GABRG3: variants seen among roughly 807,000 people sequenced by gnomAD.
GABRG3 encodes gamma-aminobutyric acid type A receptor subunit gamma3.
GABRG3 carries 25 observed loss-of-function variants against 48.8 expected under a neutral mutation model. The ratio of observed to expected loss-of-function variants is 0.51; its 90% confidence interval spans 0.37 to 0.72. The LOEUF (loss-of-function observed/expected upper bound fraction) is 0.72, where lower values mean the gene tolerates loss of function less well. Ranked by LOEUF, GABRG3 falls within the 30% of genes least tolerant of loss-of-function variation. The pLI is 0.00. For synonymous variants in GABRG3, 227 were observed against 217.6 expected (o/e 1.04, Z -0.38); for missense variants, 394 against 577.9 (o/e 0.68, Z 3.26).
At chr15:27,024,024 G>C (rs1357148477) in intron 2 of GABRG3, among the ~76,000 whole-genome samples, 3 of 152,058 alleles carry the variant, frequency 2.0e-5, no homozygotes, top group Non-Finnish European at 4.4e-5. Context: ...ATCCGAATGG[G>C]TGTGAGTGTT....
At chr15:27,018,096 C>T (rs187172562) in intron 2 of GABRG3, among the ~76,000 whole-genome samples, 27 of 152,238 alleles carry the variant, frequency 1.8e-4, no homozygotes, top group Middle Eastern at 3.4e-3. Context: ...CCTGTTATAA[C>T]GAACAGAATT....
In GABRG3 at chr15:27,435,235, A is replaced by G. The variant is rs141761030; in HGVS notation, c.575-45415A>G. 3.0e-3 allele frequency among the ~76,000 whole-genome samples: 454 copies of G among 150,334 alleles called. 13 individuals carry two copies. In the East Asian group the frequency reaches 0.073, roughly 24 times the overall value. On this transcript the variant is annotated intron_variant, in intron 5 of 9. Transcript: ENST00000615808. ...TATATAAATTATATTATACTATTTT[A>G]TATACTCTTCCCCCTTTTATACTAT...
chr15:27,404,505 G>C (rs2140591558), intron 5 of GABRG3, among the ~76,000 whole-genome samples: 2 of 152,288 alleles, frequency 1.3e-5, no homozygotes, highest in South Asian at 4.1e-4. Context: ...TCTAGAGCTT[G>C]TGCCTATGTG....
chr15:27,172,271 A>G (rs1057045742), intron 3 of GABRG3, among the ~76,000 whole-genome samples: 2 of 152,166 alleles, frequency 1.3e-5, no homozygotes, highest in East Asian at 1.9e-4. Context: ...AAGTGTTATG[A>G]TAAGTGAAGC....
intron 3 of GABRG3, among the ~76,000 whole-genome samples, chr15:27,313,278 A>C (rs1468022866): frequency 5.0e-5 from 4 of 79,846 alleles, no homozygotes; most frequent in African/African-American, 2.5e-4. Flanking sequence ...ATATATATAT[A>C]TATATATATA....
At chr15:27,049,773 G>C in intron 3 of GABRG3, among the ~76,000 whole-genome samples, 1 of 152,220 alleles carries the variant, frequency 6.6e-6, no homozygotes, top group South Asian at 2.1e-4. Context: ...TGAGTGATGC[G>C]TGCACGCTGC....
chr15:27,147,043 A>G (rs1293849446), intron 3 of GABRG3, among the ~76,000 whole-genome samples: 1 of 152,032 alleles, frequency 6.6e-6, no homozygotes, highest in East Asian at 1.9e-4. Flanking sequence ...CTTATGAGAG[A>G]CAGTTTCAGT....
chr15:27,414,841 C>T (rs1478224644), intron 5 of GABRG3, among the ~76,000 whole-genome samples: 2 of 152,308 alleles, frequency 1.3e-5, no homozygotes, highest in East Asian at 3.9e-4. Context: ...ACCCTGCCCT[C>T]CTAGCTCTCT....
In GABRG3 at chr15:27,487,970, A is replaced by G. The variant is rs535880758; in HGVS notation, c.712+7183A>G. Among the ~76,000 whole-genome samples the G allele has an allele frequency of 2.6e-5, 4 of 152,316 alleles. No homozygotes were observed. The East Asian group carries it at 7.7e-4, about 29-fold the overall frequency. On this transcript the variant is annotated intron_variant, in intron 6 of 9. Coordinates refer to ENST00000615808, the MANE Select transcript of GABRG3 (RefSeq NM_033223.5). ...CTGAATCTTAAAAGTATCTTAGTTC[A>G]TGAAATGCGAGGGCGAGCCGTCCTG...
chr15:27,254,107 T>C (rs1890540722), intron 3 of GABRG3, among the ~76,000 whole-genome samples: 1 of 152,178 alleles, frequency 6.6e-6, no homozygotes, highest in Admixed American at 6.5e-5. Flanking sequence ...TTCTGTAGTT[T>C]TTGGATTCTT....
At chr15:27,412,260 C>T (rs1405856129) in intron 5 of GABRG3, among the ~76,000 whole-genome samples, 1 of 152,126 alleles carries the variant, frequency 6.6e-6, no homozygotes, top group Non-Finnish European at 1.5e-5. Flanking sequence ...AATACCAAAA[C>T]ATGGACACTG....
chr15:27,258,050 C>T (rs1026376049), intron 3 of GABRG3, among the ~76,000 whole-genome samples: 1 of 152,024 alleles, frequency 6.6e-6, no homozygotes, highest in African/African-American at 2.4e-5. Context: ...TTGTGGATTC[C>T]CCACAGCTTC....
In GABRG3 at chr15:26,984,619, G is replaced by C. The variant is rs118105177; in HGVS notation, c.202+7469G>C. The stretch of plus-strand genomic sequence containing the variant: ...CTTAGCTGGTTCAGGGTGATGTAGG[G>C]TGTCATTTTTCTTGGAACAGATCTT... On this transcript the variant is annotated intron_variant, in intron 2 of 9. Transcript: ENST00000615808. 9.2e-3 allele frequency among the ~76,000 whole-genome samples: 1,394 copies of C among 152,230 alleles called. 12 individuals carry two copies. Among genetic ancestry groups the C allele is most frequent in the Admixed American group, 0.017 (257 of 15,292 alleles).
chr15:27,516,388 T>C (rs1452379547), intron 6 of GABRG3, among the ~76,000 whole-genome samples: 2 of 152,172 alleles, frequency 1.3e-5, no homozygotes, highest in Non-Finnish European at 2.9e-5. Context: ...TCCTTTGGTG[T>C]TTCCAAGCCA....
chr15:26,983,564 G>A (rs1595454983), intron 2 of GABRG3, among the ~76,000 whole-genome samples: 1 of 152,252 alleles, frequency 6.6e-6, no homozygotes, highest in African/African-American at 2.4e-5. Flanking sequence ...TTGAGCCCAG[G>A]AGTTTGAGAC....
chr15:27,328,405 TC>T (rs890259148), intron 4 of GABRG3, among the ~76,000 whole-genome samples: 2 of 151,872 alleles, frequency 1.3e-5, no homozygotes, highest in Admixed American at 6.6e-5. Flanking sequence ...AAACAGGAAA[TC>T]CCCCCCGATG....
chr15:27,107,107 G>C (rs1291797094), intron 3 of GABRG3, among the ~76,000 whole-genome samples: 1 of 152,010 alleles, frequency 6.6e-6, no homozygotes, highest in African/African-American at 2.4e-5. Flanking sequence ...TAGGAGAAAA[G>C]CTTTCAATCT....
intron 3 of GABRG3, among the ~76,000 whole-genome samples, chr15:27,229,037 T>G (rs913325918): frequency 1.3e-5 from 2 of 152,254 alleles, no homozygotes; most frequent in Admixed American, 1.3e-4. Context: ...TGTTAATATT[T>G]CCTTTTGCCG....
At chr15:27,288,802 A>C (rs1017289595) in intron 3 of GABRG3, among the ~76,000 whole-genome samples, 1 of 152,098 alleles carries the variant, frequency 6.6e-6, no homozygotes, top group African/African-American at 2.4e-5. Context: ...AGCTCGTCCA[A>C]ATTTCCACAT....
Sources: gnomAD v4.1 joint callset for allele counts (sites outside exome capture counted in the v4.1 genomes callset) on GRCh38, gnomAD v4.1.1 for gene constraint, MANE v1.5 for transcripts, NCBI Gene and HGNC (gene_info 2026-07-23, HGNC 2026-07-21) for gene names.